Variants in NIBAN1 observed in about 807,000 individuals in gnomAD.
NIBAN1 encodes the protein protein Niban 1.
Under a neutral mutation model 75.1 loss-of-function variants are expected in NIBAN1, and 81 were observed. The observed-to-expected ratio is 1.08, with a 90% CI of 0.90 to 1.30. NIBAN1 has a LOEUF of 1.30. NIBAN1 is among the 50% of genes most tolerant of loss of function. The pLI is 0.00. For missense variants in NIBAN1, 1,133 were observed against 1,128.1 expected (o/e 1.00, Z -0.06); for synonymous variants, 436 against 424.8 (o/e 1.03, Z -0.32).
chr1:184,920,666 T>C (rs1403561424), intron 1 of NIBAN1, among the ~76,000 whole-genome samples: 1 of 152,146 alleles, frequency 6.6e-6, no homozygotes, highest in African/African-American at 2.4e-5. Flanking sequence ...TAATTATTAT[T>C]AAATTTGGTA....
intron 10 of NIBAN1, among the ~76,000 whole-genome samples, chr1:184,806,854 T>C (rs1444948113): frequency 6.6e-6 from 1 of 150,472 alleles, no homozygotes; most frequent in African/African-American, 2.5e-5. Context: ...CTGCAACCTC[T>C]GCCTCCAGGG....
chr1:184,807,045 C>CA, intron 10 of NIBAN1, among the ~76,000 whole-genome samples: 1 of 152,178 alleles, frequency 6.6e-6, no homozygotes, highest in Non-Finnish European at 1.5e-5. Context: ...GCTGGGATTA[C>CA]AGGCGTGAGC....
intron 9 of NIBAN1, among the ~76,000 whole-genome samples, chr1:184,815,466 G>A (rs1479587415): frequency 6.6e-6 from 1 of 152,128 alleles, no homozygotes; most frequent in Non-Finnish European, 1.5e-5. Flanking sequence ...ATCTAACCAG[G>A]ACAGTTTCTC....
intron 2 of NIBAN1, among the ~76,000 whole-genome samples, chr1:184,897,936 A>C (rs1400435970): frequency 6.6e-6 from 1 of 152,114 alleles, no homozygotes; most frequent in Admixed American, 6.5e-5. Flanking sequence ...CCTGCTCCCC[A>C]GTTTCCATTC....
At chr1:184,813,669 C>T (rs543633025) in intron 9 of NIBAN1, among the ~76,000 whole-genome samples, 6 of 152,272 alleles carry the variant, frequency 3.9e-5, no homozygotes, top group South Asian at 2.1e-4. Context: ...CTAAACATGT[C>T]GTACATGGTC....
At chr1:184,798,512 C>T (rs1374893779) in intron 12 of NIBAN1, among the ~76,000 whole-genome samples, 2 of 152,146 alleles carry the variant, frequency 1.3e-5, no homozygotes, top group African/African-American at 2.4e-5. Flanking sequence ...TGGGAGAAGA[C>T]AGCAGTGATT....
At chr1:184,908,457 C>T (rs867392448) in intron 1 of NIBAN1, among the ~76,000 whole-genome samples, 1 of 152,138 alleles carries the variant, frequency 6.6e-6, no homozygotes, top group Non-Finnish European at 1.5e-5. Flanking sequence ...AACACACTAC[C>T]ATTTCATGTT....
intron 12 of NIBAN1, among the ~76,000 whole-genome samples, chr1:184,801,398 G>A (rs1363196313): frequency 6.6e-6 from 1 of 152,204 alleles, no homozygotes; most frequent in Non-Finnish European, 1.5e-5. Flanking sequence ...GGAGACTGGA[G>A]ACTGCCCTGG....
rs1231766756 is a variant in NIBAN1 at position 184,795,354 on chromosome 1, T to C, written c.2410A>G (p.Thr804Ala). 2.5e-6 allele frequency: 4 copies of C among 1,609,462 alleles called. No homozygotes were observed. The highest frequency in any genetic ancestry group is 1.7e-4 in the Middle Eastern group (1 of 6,056). ...TCCATGGGCCCCAGGGGCTCCTCGG[T>C]GAGCCCTCCACTGGCTGGCGGAGAG... ...PASPPASGGL[T>A]EEPLGPMEGE... is the part of the protein sequence containing the mutation. Residue 804 changes from threonine (T) to alanine (A), a missense_variant, in exon 14 of 14, where the codon ACC becomes GCC. Physicochemically the swap from Thr to Ala is moderately conservative, Grantham distance 58. Coordinates refer to ENST00000367511, the MANE Select transcript of NIBAN1 (RefSeq NM_052966.4).
intron 5 of NIBAN1, among the ~76,000 whole-genome samples, chr1:184,844,959 T>C (rs1053720866): frequency 1.3e-5 from 2 of 152,220 alleles, no homozygotes; most frequent in African/African-American, 2.4e-5. Flanking sequence ...ATAATTGTTT[T>C]AAAAAAAGTA....
intron 5 of NIBAN1, among the ~76,000 whole-genome samples, chr1:184,860,822 C>G (rs150403756): frequency 5.9e-5 from 9 of 152,300 alleles, no homozygotes; most frequent in Admixed American, 5.2e-4. Flanking sequence ...TTTCCACAAA[C>G]AGGAAATTCA....
chr1:184,854,218 T>A (rs1011923695), intron 5 of NIBAN1, among the ~76,000 whole-genome samples: 41 of 152,164 alleles, frequency 2.7e-4, no homozygotes, highest in Non-Finnish European at 1.0e-4. Flanking sequence ...CTCTAGATGC[T>A]TGTGGTTTAA....
chr1:184,863,637 T>G (rs182961476), intron 5 of NIBAN1, among the ~76,000 whole-genome samples: 27 of 152,306 alleles, frequency 1.8e-4, no homozygotes, highest in Non-Finnish European at 7.4e-5. Context: ...TGACAAAAGA[T>G]ATTTGAAGAT....
intron 5 of NIBAN1, among the ~76,000 whole-genome samples, chr1:184,832,422 G>T (rs1421242305): frequency 6.6e-6 from 1 of 152,146 alleles, no homozygotes; most frequent in Non-Finnish European, 1.5e-5. Context: ...AACACAACAT[G>T]CCAATTTATG....
At position 184,808,067 on chromosome 1, in the gene NIBAN1, C is replaced by T. The variant is rs775494851; in HGVS notation, c.1335+7G>A. 2 of 1,613,652 alleles carry T rather than the reference C, an allele frequency of 1.2e-6. No homozygotes were observed. The highest frequency in any genetic ancestry group is 4.5e-5 in the East Asian group (2 of 44,834). ...TCATCCACCACGGATGCCCCTGCCA[C>T]ACCCACCTCCTGCATGTAGTTCTGT... On this transcript the variant is annotated splice_region_variant and intron_variant, in intron 10 of 13. Transcript: ENST00000367511.
chr1:184,908,987 T>C (rs1657172988), intron 1 of NIBAN1, among the ~76,000 whole-genome samples: 2 of 152,202 alleles, frequency 1.3e-5, no homozygotes, highest in South Asian at 4.1e-4. Context: ...ACAACCTTTC[T>C]TGGTTTTAAG....
chr1:184,835,584 C>T (rs495530), intron 5 of NIBAN1, among the ~76,000 whole-genome samples: 91,225 of 151,910 alleles, frequency 0.6, 27,975 homozygotes, highest in African/African-American at 0.72. Context: ...GATTCCTAGG[C>T]ATTTTATTCT....
chr1:184,856,743 C>A (rs1033572983), intron 5 of NIBAN1, among the ~76,000 whole-genome samples: 1 of 152,222 alleles, frequency 6.6e-6, no homozygotes, highest in African/African-American at 2.4e-5. Flanking sequence ...AATAAATCCA[C>A]CACCTGTTCC....
intron 10 of NIBAN1, 130 bp downstream of exon 10, chr1:184,807,944 C>G: frequency 2.9e-6 from 3 of 1,037,314 alleles, no homozygotes; most frequent in Non-Finnish European, 4.5e-6. Context: ...CGTGTCCTCC[C>G]GCAACATGAT....
Sources: gnomAD v4.1 joint callset for allele counts (sites outside exome capture counted in the v4.1 genomes callset) on GRCh38, gnomAD v4.1.1 for gene constraint, MANE v1.5 for transcripts, NCBI Gene and HGNC (gene_info 2026-07-23, HGNC 2026-07-21) for gene names.